The following HAVCR1 variants were observed in gnomAD, a reference collection of about 807,000 sequenced individuals.
HAVCR1 encodes the protein T cell immunoglobin domain and mucin domain protein 1.
A neutral mutation model predicts 32.0 loss-of-function variants in HAVCR1; 34 were observed. That is an observed-to-expected ratio of 1.06 (90% CI 0.81 to 1.42). The LOEUF is 1.42. Ranked by LOEUF, HAVCR1 falls within the 40% of genes most tolerant of loss-of-function variation. The pLI, the probability that HAVCR1 is intolerant of heterozygous loss-of-function variation, is 0.00. For synonymous variants in HAVCR1, 178 were observed against 170.3 expected, an observed-to-expected ratio of 1.05 and a Z score of -0.35; for missense variants, 420 against 442.3, an observed-to-expected ratio of 0.95 and a Z score of 0.45.
rs1037843557 is a variant in HAVCR1, at chr5:157,033,176, A to G, written c.953-289T>C. Among the ~76,000 whole-genome samples, 45 of 152,232 alleles carry G rather than the reference A, an allele frequency of 3.0e-4. No homozygotes were observed. In the Middle Eastern group the frequency reaches 0.014, roughly 46 times the overall value. ...TTTCATTTTTTTAAAAAAAATGAGTAAGTCCAAGATCCTTCTGATAGGCTA... is the reference window on the plus strand; with the variant it reads ...TTTCATTTTTTTAAAAAAAATGAGTGAGTCCAAGATCCTTCTGATAGGCTA... On this transcript the variant is annotated intron_variant, in intron 7 of 8. Transcript: ENST00000523175.
intron 8 of HAVCR1, among the ~76,000 whole-genome samples, chr5:157,032,345 C>A (rs1449024821): frequency 6.6e-6 from 1 of 151,960 alleles, no homozygotes; most frequent in East Asian, 1.9e-4. Flanking sequence ...ATGGAGAAAC[C>A]CCGTCTCTAC....
chr5:157,055,154 A>C, intron 3 of HAVCR1, 47 bp downstream of exon 3: 1 of 1,045,524 alleles, frequency 9.6e-7, no homozygotes, highest in Non-Finnish European at 1.4e-6. Context: ...ATTACTACCG[A>C]ACAGAAAATT....
intron 4 of HAVCR1, 152 bp from the exon 5 acceptor site, chr5:157,049,297 C>A: frequency 1.6e-6 from 1 of 639,296 alleles, no homozygotes. Context: ...GGGCTTCTAC[C>A]GACCCACTTC....
chr5:157,040,838 T>C (rs566900179), intron 6 of HAVCR1, among the ~76,000 whole-genome samples: 4 of 152,256 alleles, frequency 2.6e-5, no homozygotes, highest in Non-Finnish European at 4.4e-5. Flanking sequence ...AGGTGGAGGT[T>C]GCAGTGAGCT....
At chr5:157,030,494 T>A (rs1289898429) in intron 8 of HAVCR1, among the ~76,000 whole-genome samples, 1 of 152,094 alleles carries the variant, frequency 6.6e-6, no homozygotes, top group African/African-American at 2.4e-5. Context: ...TCTACAGATT[T>A]TTTTTTTAAT....
chr5:157,058,569 A>C (rs1348155962), intron 1 of HAVCR1: 1 of 152,386 alleles, frequency 6.6e-6, no homozygotes, highest in Non-Finnish European at 1.5e-5. Flanking sequence ...CGTCTCAAAA[A>C]ACAAAACAAA....
chr5:157,057,469 T>C (rs67114357), intron 2 of HAVCR1, among the ~76,000 whole-genome samples: 45,552 of 144,260 alleles, frequency 0.32, 7,522 homozygotes, highest in Middle Eastern at 0.48. Flanking sequence ...GAAAGAGAAT[T>C]GAATGTGGCT....
At chr5:157,038,913 T>C (rs1175759776) in intron 6 of HAVCR1, among the ~76,000 whole-genome samples, 1 of 152,202 alleles carries the variant, frequency 6.6e-6, no homozygotes, top group East Asian at 1.9e-4. Context: ...GAGGATAGCC[T>C]GAGCCCAGGA....
intron 6 of HAVCR1, among the ~76,000 whole-genome samples, chr5:157,037,824 G>A (rs1335778842): frequency 6.6e-6 from 1 of 152,048 alleles, no homozygotes; most frequent in East Asian, 1.9e-4. Context: ...GACCAGCCTG[G>A]GCAACATGGT....
chr5:157,050,468 A>G (rs1368960534), intron 4 of HAVCR1, among the ~76,000 whole-genome samples: 2 of 152,140 alleles, frequency 1.3e-5, no homozygotes, highest in Non-Finnish European at 2.9e-5. Context: ...CCTGCGTTCT[A>G]TTTGCTCCAG....
At chr5:157,040,729 A>G (rs1037751713) in intron 6 of HAVCR1, among the ~76,000 whole-genome samples, 1 of 151,962 alleles carries the variant, frequency 6.6e-6, no homozygotes, top group Admixed American at 6.6e-5. Flanking sequence ...GTGAAATTCC[A>G]TCTCTACTAA....
chr5:157,043,664 T>C (rs891607628), intron 5 of HAVCR1, among the ~76,000 whole-genome samples: 5 of 151,868 alleles, frequency 3.3e-5, no homozygotes, highest in African/African-American at 9.7e-5. Flanking sequence ...TGAGACCCTG[T>C]CCCCAAAAAA....
At chr5:157,042,587 A>G (rs1270522885) in intron 6 of HAVCR1, 40 bp downstream of exon 6, 7 of 1,257,416 alleles carry the variant, frequency 5.6e-6, no homozygotes, top group Middle Eastern at 1.9e-4. Flanking sequence ...GGAGATATAC[A>G]AGTGAATCTG....
the HAVCR1 span, among the ~76,000 whole-genome samples, chr5:157,068,852 C>G: frequency 6.6e-6 from 1 of 152,114 alleles, no homozygotes; most frequent in Non-Finnish European, 1.5e-5. Flanking sequence ...CTCAAGCAAT[C>G]CCCCTGCTTC....
intron 4 of HAVCR1, 48 bp from the exon 5 acceptor site, chr5:157,049,193 T>C (rs1363746750): frequency 8.8e-7 from 1 of 1,137,988 alleles, no homozygotes; most frequent in African/African-American, 1.5e-5. Flanking sequence ...GAGGAAAATG[T>C]GCACCCCAAG....
chr5:157,045,837 A>G (rs1755364584), intron 5 of HAVCR1, among the ~76,000 whole-genome samples: 1 of 152,120 alleles, frequency 6.6e-6, no homozygotes, highest in African/African-American at 2.4e-5. Flanking sequence ...GCAGCCACAC[A>G]AATCCTGGGG....
intron 6 of HAVCR1, among the ~76,000 whole-genome samples, chr5:157,041,684 C>G (rs893735198): frequency 6.6e-6 from 1 of 152,216 alleles, no homozygotes; most frequent in African/African-American, 2.4e-5. Flanking sequence ...AGCCTCTACT[C>G]CACCCCATCA....
At chr5:157,064,700 C>T in the HAVCR1 span, among the ~76,000 whole-genome samples, 7 of 151,840 alleles carry the variant, frequency 4.6e-5, no homozygotes, top group Non-Finnish European at 8.8e-5. Context: ...AACCCTGTCT[C>T]TACTAAAAAT....
At chr5:157,054,814 A>G (rs1224893604) in intron 3 of HAVCR1, among the ~76,000 whole-genome samples, 2 of 152,202 alleles carry the variant, frequency 1.3e-5, no homozygotes, top group African/African-American at 4.8e-5. Context: ...TAGTATTTAC[A>G]TTGTATTCGG....
Sources: gnomAD v4.1 joint callset for allele counts (sites outside exome capture counted in the v4.1 genomes callset) on GRCh38, gnomAD v4.1.1 for gene constraint, MANE v1.5 for transcripts, NCBI Gene and HGNC (gene_info 2026-07-23, HGNC 2026-07-21) for gene names.